Variants in HHAT observed in about 807,000 individuals in gnomAD.
The protein encoded by HHAT is hedgehog acyltransferase, also known as protein-cysteine N-palmitoyltransferase HHAT.
HHAT carries 47 observed loss-of-function variants against 70.8 expected under a neutral mutation model. That is an observed-to-expected ratio of 0.66 (90% CI 0.53 to 0.85). The LOEUF is 0.85. Among genes scored for constraint, HHAT ranks in the 40% least tolerant of loss-of-function variants. The pLI, the probability that HHAT is intolerant of heterozygous loss-of-function variation, is 0.00. For missense variants in HHAT, 609 were observed against 604.8 expected (o/e 1.01, Z -0.07); for synonymous variants, 228 against 247.6 (o/e 0.92, Z 0.74).
At chr1:210,631,967 G>C (rs1337605032) in intron 11 of HHAT, among the ~76,000 whole-genome samples, 2 of 152,190 alleles carry the variant, frequency 1.3e-5, no homozygotes, top group Non-Finnish European at 2.9e-5. Flanking sequence ...GCACCTGTTT[G>C]GTATCATGTA....
At chr1:210,472,504 G>A (rs1261817833) in intron 8 of HHAT, among the ~76,000 whole-genome samples, 1 of 152,198 alleles carries the variant, frequency 6.6e-6, no homozygotes, top group Admixed American at 6.5e-5. Context: ...TATGGGGCTT[G>A]TGGGACAGGA....
chr1:210,557,005 A>G (rs1056841343), intron 9 of HHAT, among the ~76,000 whole-genome samples: 1 of 152,208 alleles, frequency 6.6e-6, no homozygotes, highest in Non-Finnish European at 1.5e-5. Context: ...GGCTTCCTGC[A>G]GACAGTGCTG....
At chr1:210,427,852 T>C (rs1450961301) in intron 7 of HHAT, among the ~76,000 whole-genome samples, 1 of 152,124 alleles carries the variant, frequency 6.6e-6, no homozygotes, top group Non-Finnish European at 1.5e-5. Flanking sequence ...TAAATGTCTT[T>C]AATTTTCTGT....
At chr1:210,613,526 T>G (rs979069931) in intron 10 of HHAT, among the ~76,000 whole-genome samples, 3 of 152,226 alleles carry the variant, frequency 2.0e-5, no homozygotes, top group Non-Finnish European at 4.4e-5. Flanking sequence ...TATTGTAGCT[T>G]TAAGTGTTAA....
Position 210,532,128 on chromosome 1 carries a change from T to C in HHAT, c.1043+18940T>C, listed in dbSNP as rs1376403215. Among the ~76,000 whole-genome samples the C allele has an allele frequency of 2.0e-5, 3 of 152,246 alleles. No individual in the cohort carries two copies. In the East Asian group the frequency reaches 5.8e-4, roughly 29 times the overall value. Reference sequence around the variant, plus strand: ...TTATTTGCAGACAATGTGTTTTTCATAGAGTGACATTTATATGTGTTTATT... The same window carrying C: ...TTATTTGCAGACAATGTGTTTTTCACAGAGTGACATTTATATGTGTTTATT... On this transcript the variant is annotated intron_variant, in intron 9 of 11. Coordinates refer to ENST00000261458, the MANE Select transcript of HHAT (RefSeq NM_018194.6).
chr1:210,347,262 C>G (rs905906341), intron 1 of HHAT, among the ~76,000 whole-genome samples: 1 of 152,110 alleles, frequency 6.6e-6, no homozygotes, highest in African/African-American at 2.4e-5. Context: ...CTTTTTTGCT[C>G]TGGCTCAGTT....
chr1:210,352,056 A>C (rs1005090826), intron 2 of HHAT, among the ~76,000 whole-genome samples: 3 of 152,218 alleles, frequency 2.0e-5, no homozygotes, highest in African/African-American at 7.2e-5. Flanking sequence ...CATATATTTA[A>C]TAATAGAAAT....
rs970035717 is a variant in HHAT at position 210,676,096 on chromosome 1, G to C, written c.*1717G>C. 1.3e-5 allele frequency: 2 copies of C among 152,192 alleles called. No homozygotes were observed. The highest frequency in any genetic ancestry group is 2.9e-5 in the Non-Finnish European group (2 of 68,038). The allele number at this position is 152,192 out of a possible 1,614,324, so 9.4% of individuals were successfully genotyped here. On this transcript the variant is annotated 3_prime_UTR_variant, in exon 12 of 12. Transcript: ENST00000261458. ...TGATAGGGAAGTGTCTAATGTATGT[G>C]CACATATAAGTAATACAAAAGTTTT...
At chr1:210,395,054 G>A (rs1032258607) in intron 4 of HHAT, among the ~76,000 whole-genome samples, 1 of 152,114 alleles carries the variant, frequency 6.6e-6, no homozygotes, top group Non-Finnish European at 1.5e-5. Flanking sequence ...TGATTATGTA[G>A]TATGTAATAA....
chr1:210,618,738 T>C (rs1406713006), intron 10 of HHAT, among the ~76,000 whole-genome samples: 1 of 152,170 alleles, frequency 6.6e-6, no homozygotes, highest in Middle Eastern at 3.2e-3. Context: ...TGACCCACGT[T>C]CCTGCAGCCC....
At chr1:210,642,132 C>G (rs1673092806) in intron 11 of HHAT, among the ~76,000 whole-genome samples, 2 of 152,270 alleles carry the variant, frequency 1.3e-5, no homozygotes, top group Non-Finnish European at 1.5e-5. Flanking sequence ...TTTTGAGGAA[C>G]ACATCCATCA....
At chr1:210,490,138 C>G (rs2094529959) in intron 8 of HHAT, among the ~76,000 whole-genome samples, 1 of 152,216 alleles carries the variant, frequency 6.6e-6, no homozygotes, top group Non-Finnish European at 1.5e-5. Context: ...AGTTTGGCAT[C>G]TGAGCTTTGC....
chr1:210,640,665 G>GC (rs67819440), intron 11 of HHAT, among the ~76,000 whole-genome samples: 8,999 of 145,320 alleles, frequency 0.062, 393 homozygotes, highest in Middle Eastern at 0.11. Flanking sequence ...CCCGCACTCC[G>GC]CCCCCCACTG....
At chr1:210,436,500 A>G (rs1046024323) in intron 7 of HHAT, among the ~76,000 whole-genome samples, 1 of 151,636 alleles carries the variant, frequency 6.6e-6, no homozygotes, top group Non-Finnish European at 1.5e-5. Context: ...ATTTCTGTGA[A>G]GACCGTCATT....
intron 1 of HHAT, among the ~76,000 whole-genome samples, chr1:210,342,323 ACTCCTTACCACTTGG>A (rs945248606): frequency 3.3e-5 from 5 of 152,006 alleles, no homozygotes; most frequent in African/African-American, 1.2e-4. Flanking sequence ...ATGTTTTAAG[ACTCCTTACCACTTGG>A]CTCCTGTTCT....
Position 210,458,166 on chromosome 1 carries a change from A to G in HHAT, c.857-6339A>G, listed in dbSNP as rs962930168. 2.0e-5 allele frequency among the ~76,000 whole-genome samples: 3 copies of G among 152,178 alleles called. No individual in the cohort carries two copies. The South Asian group carries it at 6.2e-4, about 31-fold the overall frequency. On this transcript the variant is annotated intron_variant, in intron 7 of 11. Transcript: ENST00000261458. ...ACCTGGGTTAAAGTCCCAAGTGTGG[A>G]TTGACTCTGAGGCTTGTGAAGGTCA...
upstream of HHAT, chr1:210,328,829 T>C (rs1324062086): frequency 1.2e-5 from 5 of 406,000 alleles, no homozygotes; most frequent in Non-Finnish European, 2.1e-5. Context: ...GCCCGCCCCC[T>C]GCAGCAGCAC....
intron 3 of HHAT, among the ~76,000 whole-genome samples, chr1:210,370,610 ATTTTTTTTT>A (rs10664778): frequency 2.0e-5 from 2 of 98,358 alleles, no homozygotes; most frequent in African/African-American, 8.3e-5. Flanking sequence ...TGCAGATGCT[ATTTTTTTTT>A]TTTTTTTTTT....
chr1:210,567,341 G>T (rs756808758), intron 9 of HHAT, among the ~76,000 whole-genome samples: 30 of 152,302 alleles, frequency 2.0e-4, no homozygotes, highest in Non-Finnish European at 4.1e-4. Flanking sequence ...AAACTGACCA[G>T]TTCCTCAGGT....
Sources: allele counts gnomAD v4.1 joint callset (sites outside exome capture counted in the v4.1 genomes callset), GRCh38; gene constraint gnomAD v4.1.1; transcripts MANE v1.5; gene names NCBI Gene and HGNC (gene_info 2026-07-23, HGNC 2026-07-21).